Variants in NEMF observed in about 807,000 individuals in gnomAD.
NEMF encodes ribosome quality control complex subunit NEMF.
A neutral mutation model predicts 162.2 loss-of-function variants in NEMF; 89 were observed. The observed-to-expected ratio is 0.55, with a 90% CI of 0.46 to 0.65. NEMF has a LOEUF of 0.65. Among genes scored for constraint, NEMF ranks in the 30% least tolerant of loss-of-function variants. The pLI, the probability that NEMF is intolerant of heterozygous loss-of-function variation, is 0.00. For missense variants in NEMF, 1,133 were observed against 1,261.9 expected (o/e 0.90, Z 1.55); for synonymous variants, 421 against 404.5 (o/e 1.04, Z -0.49).
In NEMF at chr14:49,827,686, G is replaced by A. The variant is rs555112530; in HGVS notation, c.1488+605C>T. Among the ~76,000 whole-genome samples the A allele has an allele frequency of 1.6e-3, 240 of 152,154 alleles. 1 individual carries two copies. The highest frequency in any genetic ancestry group is 3.0e-3 in the Non-Finnish European group (205 of 68,006). On this transcript the variant is annotated intron_variant, in intron 15 of 32. Coordinates refer to ENST00000298310, the MANE Select transcript of NEMF (RefSeq NM_004713.6). ...AAATTAGCTGGGTGTGGTGGCGGGC[G>A]CCTGTAATCCCAGCTACTTAGGAGG...
chr14:49,848,271 T>C (rs1489823592), intron 3 of NEMF, among the ~76,000 whole-genome samples: 1 of 152,194 alleles, frequency 6.6e-6, no homozygotes, highest in East Asian at 1.9e-4. Flanking sequence ...TCTCATTCTT[T>C]ATTAAATCCC....
At chr14:49,823,428 CTCTT>C (rs754827494) in intron 16 of NEMF, among the ~76,000 whole-genome samples, 56 of 151,350 alleles carry the variant, frequency 3.7e-4, no homozygotes, top group African/African-American at 1.3e-3. Context: ...AAAAAGTCCT[CTCTT>C]TTTTTGCCAG....
chr14:49,794,173 T>C (rs1286638637), intron 26 of NEMF, among the ~76,000 whole-genome samples: 1 of 152,232 alleles, frequency 6.6e-6, no homozygotes, highest in Non-Finnish European at 1.5e-5. Flanking sequence ...GTAAAAATTC[T>C]AGCATTAAAT....
chr14:49,832,030 G>A (rs748811422), intron 10 of NEMF, 21 bp downstream of exon 10: 1 of 1,546,162 alleles, frequency 6.5e-7, no homozygotes, highest in African/African-American at 1.4e-5. Flanking sequence ...AACTGGTAAA[G>A]GAACAGAACG....
chr14:49,814,962 G>A, intron 16 of NEMF, 105 bp from the exon 17 acceptor site: 17 of 647,340 alleles, frequency 2.6e-5, no homozygotes, highest in South Asian at 3.8e-5. Flanking sequence ...ACAAGTTGAT[G>A]GTTTAATTTT....
At chr14:49,843,485 C>G (rs1186822818) in intron 4 of NEMF, among the ~76,000 whole-genome samples, 1 of 152,082 alleles carries the variant, frequency 6.6e-6, no homozygotes. Flanking sequence ...CAGAGCAAGA[C>G]TCTATCTCAA....
At chr14:49,806,239 TA>T in intron 18 of NEMF, 106 bp from the exon 19 acceptor site, 1 of 12,012 alleles carries the variant, frequency 8.3e-5, no homozygotes, top group Non-Finnish European at 1.7e-4. Context: ...TGTGTATATA[TA>T]TATATATATA....
Position 49,832,267 on chromosome 14 carries a change from AT to A in NEMF, c.745del (p.Ile249PhefsTer6). The A allele has an allele frequency of 6.3e-7, 1 of 1,591,750 alleles. No homozygotes were observed. Reference sequence around the variant, plus strand: ...GCTTGGTTTTATTTCTCTTTTCTGAATGATATATCCCTACAAAAATGCAACA... The same window carrying A: ...GCTTGGTTTTATTTCTCTTTTCTGAAGATATATCCCTACAAAAATGCAACA... ...TSNFSGKGYI[I>X]QKREIKPSLE... On this transcript the variant is annotated frameshift_variant, in exon 9 of 33. Coordinates refer to ENST00000298310, the MANE Select transcript of NEMF (RefSeq NM_004713.6). LOFTEE classifies it high-confidence loss of function.
chr14:49,826,427 A>G (rs1034680021), intron 15 of NEMF, among the ~76,000 whole-genome samples: 2 of 151,448 alleles, frequency 1.3e-5, no homozygotes, highest in African/African-American at 4.9e-5. Context: ...AGGAAACCCG[A>G]TTTACACTGG....
At chr14:49,799,433 AG>A (rs1890852935) in intron 25 of NEMF, 41 bp downstream of exon 25, 4 of 1,534,808 alleles carry the variant, frequency 2.6e-6, no homozygotes, top group Non-Finnish European at 3.5e-6. Flanking sequence ...TAAAAAAAAA[AG>A]AAAAACATGC....
At chr14:49,845,314 G>C (rs769435340) in intron 4 of NEMF, among the ~76,000 whole-genome samples, 1 of 151,958 alleles carries the variant, frequency 6.6e-6, no homozygotes, top group African/African-American at 2.4e-5. Flanking sequence ...GGCTGGTCTT[G>C]AACTCCTGAC....
chr14:49,796,727 C>G (rs1890709511), intron 25 of NEMF, among the ~76,000 whole-genome samples: 1 of 152,194 alleles, frequency 6.6e-6, no homozygotes, highest in Non-Finnish European at 1.5e-5. Flanking sequence ...GGGTATAGTC[C>G]AAAATCCTTA....
chr14:49,792,545 A>C (rs1890501254), intron 26 of NEMF, among the ~76,000 whole-genome samples: 1 of 152,220 alleles, frequency 6.6e-6, no homozygotes, highest in Non-Finnish European at 1.5e-5. Context: ...TCTAGAGAGC[A>C]GAAAAAGAGG....
At chr14:49,814,256 C>T (rs371239317) in intron 17 of NEMF, among the ~76,000 whole-genome samples, 80 of 152,132 alleles carry the variant, frequency 5.3e-4, no homozygotes, top group African/African-American at 1.8e-3. Flanking sequence ...TGCACCACCA[C>T]GTCCAGCTAA....
chr14:49,833,429 A>C lies in NEMF; in HGVS notation c.729T>G (p.Ser243Arg). ...TAAGTATACATGGTGCTACCTTCCCACTGAAGTTGGATGTTGTTTTCATAT... is the reference window on the plus strand; with the variant it reads ...TAAGTATACATGGTGCTACCTTCCCCCTGAAGTTGGATGTTGTTTTCATAT... ...EDYMKTTSNF[S>R]GKGYIIQKRE... Residue 243 changes from serine (S) to arginine (R), a missense_variant, in exon 8 of 33, where the codon AGT becomes AGG. Physicochemically the swap from Ser to Arg is moderately radical, Grantham distance 110. Transcript: ENST00000298310. 2 of 1,581,632 alleles carry C rather than the reference A, an allele frequency of 1.3e-6. No individual in the cohort carries two copies. Among genetic ancestry groups the C allele is most frequent in the Non-Finnish European group, 1.7e-6 (2 of 1,157,358 alleles).
chr14:49,831,830 A>G (rs1314815866), intron 10 of NEMF, among the ~76,000 whole-genome samples: 1 of 152,270 alleles, frequency 6.6e-6, no homozygotes, highest in Non-Finnish European at 1.5e-5. Context: ...GCTAAACAGT[A>G]TCAAGAATCA....
In NEMF at chr14:49,789,353, A is replaced by G. The variant is rs746924366; in HGVS notation, c.2698-10T>C. 6.3e-5 allele frequency: 102 copies of G among 1,613,676 alleles called. No individual in the cohort carries two copies. In the Middle Eastern group the frequency reaches 6.6e-4, roughly 10 times the overall value. Reference sequence around the variant, plus strand: ...TGTTTGAACCTGCAGACTTTAATTCATAGAGGAAACATCAGTCAGTGTTGT... The same window carrying G: ...TGTTTGAACCTGCAGACTTTAATTCGTAGAGGAAACATCAGTCAGTGTTGT... On this transcript the variant is annotated splice_polypyrimidine_tract_variant and intron_variant, in intron 27 of 32. Transcript: ENST00000298310.
intron 14 of NEMF, 80 bp downstream of exon 14, chr14:49,828,536 T>C (rs1382909405): frequency 8.0e-7 from 1 of 1,243,994 alleles, no homozygotes; most frequent in African/African-American, 1.5e-5. Flanking sequence ...AAGTGAAATT[T>C]AAAATTTTTT....
At chr14:49,818,830 G>C (rs1004604856) in intron 16 of NEMF, among the ~76,000 whole-genome samples, 1 of 152,072 alleles carries the variant, frequency 6.6e-6, no homozygotes, top group African/African-American at 2.4e-5. Flanking sequence ...GAGAAAAAAA[G>C]AATCTTTTCT....
Sources: allele counts gnomAD v4.1 joint callset (sites outside exome capture counted in the v4.1 genomes callset), GRCh38; gene constraint gnomAD v4.1.1; transcripts MANE v1.5; gene names NCBI Gene and HGNC (gene_info 2026-07-23, HGNC 2026-07-21).